Variants in GABRA4 observed in about 807,000 individuals in gnomAD.
GABRA4 encodes the protein gamma-aminobutyric acid type A receptor subunit alpha4.
Under a neutral mutation model 49.7 loss-of-function variants are expected in GABRA4, and 12 were observed. The ratio of observed to expected loss-of-function variants is 0.24; its 90% confidence interval spans 0.15 to 0.39. The LOEUF (loss-of-function observed/expected upper bound fraction) is 0.39. Among genes scored for constraint, GABRA4 ranks in the 10% least tolerant of loss-of-function variants. GABRA4 has a pLI of 1.00. For missense variants in GABRA4, 506 were observed against 686.0 expected (o/e 0.74, Z 2.93); for synonymous variants, 288 against 240.2 (o/e 1.20, Z -1.84).
chr4:46,967,709 A>G (rs1722813727), intron 7 of GABRA4, among the ~76,000 whole-genome samples: 1 of 151,680 alleles, frequency 6.6e-6, no homozygotes, highest in South Asian at 2.1e-4. Context: ...TACCCTGAAC[A>G]CATTTAAAAG....
At chr4:46,953,515 T>C (rs1722242760) in intron 8 of GABRA4, among the ~76,000 whole-genome samples, 1 of 152,178 alleles carries the variant, frequency 6.6e-6, no homozygotes, top group African/African-American at 2.4e-5. Flanking sequence ...TGGTAATATA[T>C]TCTAAAGTTT....
chr4:46,927,986 G>A lies in GABRA4; in HGVS notation c.*239C>T. ...TTCTCTTATCCCAACTTTCCAGGAT[G>A]GTGTGTATTCTATCTAACTGAATGC... On this transcript the variant is annotated 3_prime_UTR_variant, in exon 9 of 9. Coordinates refer to ENST00000264318, the MANE Select transcript of GABRA4 (RefSeq NM_000809.4). 2.9e-6 allele frequency: 1 copy of A among 346,590 alleles called. No individual in the cohort carries two copies. The highest frequency in any genetic ancestry group is 5.2e-6 in the Non-Finnish European group (1 of 191,312). The allele number at this position is 346,590 out of a possible 1,614,324, so 21.5% of individuals were successfully genotyped here.
chr4:46,960,090 TA>T (rs1722519033), intron 8 of GABRA4, among the ~76,000 whole-genome samples: 1 of 151,238 alleles, frequency 6.6e-6, no homozygotes, highest in Non-Finnish European at 1.5e-5. Context: ...ATTTTAGTGA[TA>T]AAAATATAAT....
chr4:46,944,073 A>G (rs977427968), intron 8 of GABRA4, among the ~76,000 whole-genome samples: 1 of 152,084 alleles, frequency 6.6e-6, no homozygotes, highest in African/African-American at 2.4e-5. Context: ...CATCGGGACT[A>G]CGGTTAATCA....
intron 2 of GABRA4, among the ~76,000 whole-genome samples, chr4:46,982,447 G>A (rs1723390037): frequency 6.6e-6 from 1 of 151,918 alleles, no homozygotes; most frequent in Admixed American, 6.6e-5. Context: ...TATAAGCCAA[G>A]GAGAGAGGAC....
At position 46,993,134 on chromosome 4, in the gene GABRA4, A is replaced by G. The variant is rs147662635; in HGVS notation, c.87-188T>C. 1.4e-3 allele frequency among the ~76,000 whole-genome samples: 218 copies of G among 152,276 alleles called. 3 individuals carry two copies. The East Asian group carries it at 0.04, about 28-fold the overall frequency. On this transcript the variant is annotated intron_variant, in intron 1 of 8. Transcript: ENST00000264318. ...AAGCGCGCCCCGCCGCAAGACCCCC[A>G]GTGCCCACACGCCTCTTGGATCCTG...
intron 8 of GABRA4, among the ~76,000 whole-genome samples, chr4:46,938,748 A>G (rs1252001562): frequency 6.6e-6 from 1 of 152,094 alleles, no homozygotes; most frequent in African/African-American, 2.4e-5. Context: ...GGAGTTTATT[A>G]TCCAGGTCAA....
At chr4:46,985,738 C>T (rs548962162) in intron 2 of GABRA4, among the ~76,000 whole-genome samples, 1 of 151,844 alleles carries the variant, frequency 6.6e-6, no homozygotes, top group Admixed American at 6.6e-5. Context: ...TACATCCTAA[C>T]CCTAATGAAA....
intron 8 of GABRA4, among the ~76,000 whole-genome samples, chr4:46,963,067 A>G (rs1722635662): frequency 6.6e-6 from 1 of 151,846 alleles, no homozygotes; most frequent in South Asian, 2.1e-4. Flanking sequence ...CCTTAGAAGC[A>G]TGGCAACCAA....
At chr4:46,932,465 T>C (rs1721471197) in intron 8 of GABRA4, among the ~76,000 whole-genome samples, 1 of 152,118 alleles carries the variant, frequency 6.6e-6, no homozygotes, top group African/African-American at 2.4e-5. Context: ...CAAGTACTCA[T>C]AGTAGTATAA....
chr4:46,984,219 C>A (rs148411053), intron 2 of GABRA4, among the ~76,000 whole-genome samples: 11 of 152,116 alleles, frequency 7.2e-5, no homozygotes, highest in East Asian at 1.9e-4. Flanking sequence ...CCCAGCCATG[C>A]ACTTGAGGAA....
intron 8 of GABRA4, among the ~76,000 whole-genome samples, chr4:46,956,515 C>A (rs1463367799): frequency 3.3e-5 from 5 of 152,042 alleles, no homozygotes; most frequent in Non-Finnish European, 7.4e-5. Context: ...CCTTATAATG[C>A]ACAGCTGTTT....
chr4:46,992,579 C>G, intron 2 of GABRA4: 1 of 503,682 alleles, frequency 2.0e-6, no homozygotes, highest in East Asian at 3.2e-5. Context: ...CTCCCCCACC[C>G]AGCAGTCAGG....
Position 46,922,138 on chromosome 4 carries a change from T to C in GABRA4, c.*6087A>G, listed in dbSNP as rs935329493. On this transcript the variant is annotated 3_prime_UTR_variant, in exon 9 of 9. Coordinates refer to ENST00000264318, the MANE Select transcript of GABRA4 (RefSeq NM_000809.4). The stretch of plus-strand genomic sequence containing the variant: ...TTGTGAACAAGCTTGCTGAATAATA[T>C]AGAATACTAAGGCTAATGTGGGGAA... 6.6e-6 allele frequency: 1 copy of C among 152,024 alleles called. No homozygotes were observed. Among genetic ancestry groups the C allele is most frequent in the African/African-American group, 2.4e-5 (1 of 41,398 alleles). The allele number at this position is 152,024 out of a possible 1,614,324, so 9.4% of individuals were successfully genotyped here.
intron 8 of GABRA4, among the ~76,000 whole-genome samples, chr4:46,963,195 A>G (rs185801527): frequency 6.6e-6 from 1 of 151,850 alleles, no homozygotes; most frequent in Admixed American, 6.6e-5. Context: ...CAAACTATTC[A>G]TCTGACAAAG....
At chr4:46,935,354 G>A (rs1352124384) in intron 8 of GABRA4, among the ~76,000 whole-genome samples, 2 of 152,106 alleles carry the variant, frequency 1.3e-5, no homozygotes, top group Non-Finnish European at 2.9e-5. Flanking sequence ...AAATATATAA[G>A]ATAATGCATG....
rs532685758 is a variant in GABRA4, at chr4:46,922,615, A to G, written c.*5610T>C. ...TTAATAGAGAAACATGAGAAGCTCA[A>G]AGAAGATATTTCAATAAAGCAATGG... On this transcript the variant is annotated 3_prime_UTR_variant, in exon 9 of 9. Coordinates refer to ENST00000264318, the MANE Select transcript of GABRA4 (RefSeq NM_000809.4). 6.6e-6 allele frequency: 1 copy of G among 152,282 alleles called. No individual in the cohort carries two copies. The highest frequency in any genetic ancestry group is 6.5e-5 in the Admixed American group (1 of 15,282). The allele number at this position is 152,282 out of a possible 1,614,324, so 9.4% of individuals were successfully genotyped here. A position where few individuals can be genotyped will look rare whatever the true frequency, so the allele number is the denominator to read the frequency against.
chr4:46,974,498 A>G, intron 5 of GABRA4, 123 bp from the exon 6 acceptor site: 1 of 923,742 alleles, frequency 1.1e-6, no homozygotes, highest in Middle Eastern at 2.4e-4. Context: ...GTTCACTATA[A>G]TTTAGTCACT....
intron 8 of GABRA4, among the ~76,000 whole-genome samples, chr4:46,929,215 C>T (rs1199421516): frequency 2.6e-5 from 4 of 151,854 alleles, no homozygotes; most frequent in African/African-American, 9.7e-5. Flanking sequence ...AGAATATCAA[C>T]AATAACAACT....
Sources: gnomAD v4.1 joint callset for allele counts (sites outside exome capture counted in the v4.1 genomes callset) on GRCh38, gnomAD v4.1.1 for gene constraint, MANE v1.5 for transcripts, NCBI Gene and HGNC (gene_info 2026-07-23, HGNC 2026-07-21) for gene names.